ACADM: variants seen among roughly 807,000 people sequenced by gnomAD.
The protein encoded by ACADM is medium-chain specific acyl-CoA dehydrogenase, mitochondrial.
In ACADM, 49 loss-of-function variants were observed where a neutral mutation model predicts 58.9. The ratio of observed to expected loss-of-function variants is 0.83; its 90% confidence interval spans 0.66 to 1.06. The LOEUF is 1.06. ACADM is among the 50% of genes least tolerant of loss of function. ACADM has a pLI of 0.00. For synonymous variants in ACADM, 160 were observed against 157.7 expected, an observed-to-expected ratio of 1.01 and a Z score of -0.11; for missense variants, 496 against 507.0, an observed-to-expected ratio of 0.98 and a Z score of 0.21.
intron 11 of ACADM, among the ~76,000 whole-genome samples, chr1:75,762,309 A>AT (rs397862266): frequency 1.3e-5 from 2 of 151,844 alleles, no homozygotes; most frequent in African/African-American, 4.8e-5. Flanking sequence ...AAAAAAAAAA[A>AT]TTAAGGGTAA....
intron 7 of ACADM, chr1:75,743,850 C>T: frequency 7.1e-7 from 1 of 1,410,792 alleles, no homozygotes; most frequent in East Asian, 2.3e-5. Context: ...CCCTATATAC[C>T]ACCTCTTTGG....
chr1:75,728,113 C>T (rs777392159), intron 1 of ACADM, among the ~76,000 whole-genome samples: 1 of 152,180 alleles, frequency 6.6e-6, no homozygotes. Context: ...GGTCCTACAT[C>T]TACTACTACC....
intron 11 of ACADM, among the ~76,000 whole-genome samples, chr1:75,762,310 T>A (rs1648898969): frequency 2.0e-5 from 3 of 147,982 alleles, no homozygotes. Flanking sequence ...AAAAAAAAAA[T>A]TAAGGGTAAG....
In ACADM at chr1:75,734,942, T is replaced by C. The variant is rs571856182; in HGVS notation, c.468+71T>C. 2,819 of 1,120,784 alleles carry C rather than the reference T, an allele frequency of 2.5e-3. 5 individuals carry two copies. The highest frequency in any genetic ancestry group is 3.4e-3 in the Non-Finnish European group (2,557 of 741,722). 69.4% of individuals were successfully genotyped at this position (1,120,784 alleles called of 1,614,324 possible). A position where few individuals can be genotyped will look rare whatever the true frequency, so the allele number is the denominator to read the frequency against. ...CAAAGGTGCTATTTCTCCTTTTCAG[T>C]CTATATGTATATATTGGGATATTTA... On this transcript the variant is annotated intron_variant, in intron 6 of 11. Transcript: ENST00000370841.
chr1:75,744,634 A>C (rs771086921), intron 7 of ACADM: 1 of 1,014,160 alleles, frequency 9.9e-7, no homozygotes, highest in Non-Finnish European at 1.6e-6. Context: ...GTTAATGACA[A>C]CCTTCCTGCT....
At position 75,732,884 on chromosome 1, in the gene ACADM, A is replaced by G. The variant is rs1553122975; in HGVS notation, c.248A>G (p.Glu83Gly). 1 of 1,613,778 alleles carries G rather than the reference A, an allele frequency of 6.2e-7. No individual in the cohort carries two copies. The highest frequency in any genetic ancestry group is 8.5e-7 in the Non-Finnish European group (1 of 1,179,866). ...YPVPLIRRAW[E>G]LGLMNTHIPE... ...GTCCCCCTAATTAGAAGAGCCTGGG[A>G]ACTTGGTTTAATGAACACACACATT... is the stretch of plus-strand genomic sequence containing the variant. The change falls in exon 4 of 12, where the codon GAA (glutamate) becomes GGA (glycine). Residue 83 changes from glutamate (E) to glycine (G), a missense_variant. Glu to Gly is a moderately conservative substitution (Grantham distance 98). Transcript: ENST00000370841.
At chr1:75,742,018 AT>A (rs1174551717) in intron 7 of ACADM, among the ~76,000 whole-genome samples, 2 of 152,164 alleles carry the variant, frequency 1.3e-5, no homozygotes, top group African/African-American at 4.8e-5. Flanking sequence ...TTATTTATTT[AT>A]TTTTTTGAGA....
At chr1:75,762,144 T>A (rs984265432) in intron 11 of ACADM, among the ~76,000 whole-genome samples, 1 of 152,212 alleles carries the variant, frequency 6.6e-6, no homozygotes, top group East Asian at 1.9e-4. Flanking sequence ...ATTATTACTA[T>A]TATTATCATC....
chr1:75,755,752 G>A (rs1380827220), intron 10 of ACADM, among the ~76,000 whole-genome samples: 2 of 152,208 alleles, frequency 1.3e-5, no homozygotes, highest in Admixed American at 6.5e-5. Flanking sequence ...GAAGAAAGCT[G>A]GATGGAGAAT....
At chr1:75,750,707 G>A (rs1648152095) in intron 10 of ACADM, 161 bp downstream of exon 10, 2 of 683,410 alleles carry the variant, frequency 2.9e-6, no homozygotes, top group South Asian at 3.2e-5. Context: ...TCTTTTTAGA[G>A]TGTGCCACTA....
intron 7 of ACADM, chr1:75,743,709 C>T: frequency 6.7e-7 from 1 of 1,494,908 alleles, no homozygotes; most frequent in Non-Finnish European, 9.3e-7. Flanking sequence ...CAAATTCATT[C>T]TTTCGGGCCT....
intron 7 of ACADM, among the ~76,000 whole-genome samples, chr1:75,742,801 C>T (rs1349837915): frequency 6.6e-6 from 1 of 152,154 alleles, no homozygotes; most frequent in South Asian, 2.1e-4. Context: ...AACCTCTGCT[C>T]TCTCCTCCCA....
chr1:75,740,188 T>C (rs1570877068), intron 7 of ACADM, 78 bp downstream of exon 7: 4 of 1,402,416 alleles, frequency 2.9e-6, no homozygotes, highest in Non-Finnish European at 2.0e-6. Flanking sequence ...CTGTATATTT[T>C]TAAACCACTA....
Position 75,762,768 on chromosome 1 carries a change from A to C in ACADM, c.*5A>C, listed in dbSNP as rs765453281. The C allele has an allele frequency of 2.8e-5, 43 of 1,550,540 alleles. No individual in the cohort carries two copies. The highest frequency in any genetic ancestry group is 3.8e-5 in the Non-Finnish European group (43 of 1,123,930). ...ATTGACAAGTACAAAAATTAAAAAA[A>C]TTACTGTAGAAATATTGAATAACTA... On this transcript the variant is annotated 3_prime_UTR_variant, in exon 12 of 12. Coordinates refer to ENST00000370841, the MANE Select transcript of ACADM (RefSeq NM_000016.6).
chr1:75,741,695 G>A (rs1397540477), intron 7 of ACADM, among the ~76,000 whole-genome samples: 2 of 152,150 alleles, frequency 1.3e-5, no homozygotes, highest in Non-Finnish European at 2.9e-5. Flanking sequence ...CAATTTTTAC[G>A]ATTTTGTTAC....
chr1:75,733,183 G>A, intron 4 of ACADM: 1 of 1,611,498 alleles, frequency 6.2e-7, no homozygotes. Context: ...TCAATTTGTT[G>A]TGTTTTATTC....
chr1:75,758,078 T>G (rs1187092279), intron 10 of ACADM, among the ~76,000 whole-genome samples: 1 of 152,186 alleles, frequency 6.6e-6, no homozygotes, highest in Non-Finnish European at 1.5e-5. Flanking sequence ...TATTATTTTT[T>G]TCATACAGAG....
chr1:75,734,457 G>C (rs1647206437), intron 5 of ACADM, among the ~76,000 whole-genome samples: 1 of 151,866 alleles, frequency 6.6e-6, no homozygotes, highest in East Asian at 1.9e-4. Context: ...TTACAGGCGT[G>C]AGCCACTGCG....
At chr1:75,751,995 CTTT>C (rs34262751) in intron 10 of ACADM, among the ~76,000 whole-genome samples, 4 of 140,264 alleles carry the variant, frequency 2.9e-5, no homozygotes, top group Non-Finnish European at 1.5e-5. Context: ...TCCTATTTCT[CTTT>C]TTTTTTTTTT....
Sources: gnomAD v4.1 joint callset for allele counts (sites outside exome capture counted in the v4.1 genomes callset) on GRCh38, gnomAD v4.1.1 for gene constraint, MANE v1.5 for transcripts, NCBI Gene and HGNC (gene_info 2026-07-23, HGNC 2026-07-21) for gene names.